The following TMEM135 variants were observed in gnomAD, a reference collection of about 807,000 sequenced individuals.
The protein encoded by TMEM135 is transmembrane protein 135, also known as peroxisomal membrane protein 52.
A neutral mutation model predicts 60.3 loss-of-function variants in TMEM135; 30 were observed. The ratio of observed to expected loss-of-function variants is 0.50; its 90% CI spans 0.37 to 0.68. TMEM135 has a LOEUF of 0.68. TMEM135 is among the 30% of genes least tolerant of loss of function. TMEM135 has a pLI of 0.00. For synonymous variants in TMEM135, 190 were observed against 186.7 expected, an observed-to-expected ratio of 1.02 and a Z score of -0.14; for missense variants, 468 against 548.8, an observed-to-expected ratio of 0.85 and a Z score of 1.47.
At chr11:87,100,449 T>G (rs572090608) in intron 4 of TMEM135, among the ~76,000 whole-genome samples, 9 of 152,340 alleles carry the variant, frequency 5.9e-5, no homozygotes, top group Non-Finnish European at 8.8e-5. Context: ...TAAACTTTTC[T>G]TATGACTTGA....
chr11:87,121,843 T>A (rs1002313297), intron 4 of TMEM135, among the ~76,000 whole-genome samples: 1 of 152,070 alleles, frequency 6.6e-6, no homozygotes, highest in African/African-American at 2.4e-5. Context: ...ATTCACCATG[T>A]TGGCCAGGGT....
chr11:87,273,940 A>G (rs1941919525), intron 6 of TMEM135, among the ~76,000 whole-genome samples: 2 of 152,152 alleles, frequency 1.3e-5, no homozygotes, highest in African/African-American at 4.8e-5. Flanking sequence ...CAGTTGAGTT[A>G]TATGCTAATT....
intron 4 of TMEM135, among the ~76,000 whole-genome samples, chr11:87,109,786 G>A (rs75020921): frequency 0.012 from 1,474 of 126,624 alleles, 25 homozygotes; most frequent in African/African-American, 0.046. Context: ...AAGTAAATCA[G>A]CTTTTGCTAA....
At chr11:87,192,106 C>T (rs145554633) in intron 5 of TMEM135, among the ~76,000 whole-genome samples, 5,030 of 149,976 alleles carry the variant, frequency 0.034, 253 homozygotes, top group African/African-American at 0.1. Flanking sequence ...CTCAGCCTCC[C>T]GAGTAGCTGG....
intron 5 of TMEM135, among the ~76,000 whole-genome samples, chr11:87,177,445 A>G (rs534383472): frequency 2.0e-5 from 3 of 152,174 alleles, no homozygotes; most frequent in Non-Finnish European, 4.4e-5. Context: ...AATGCCTTCT[A>G]TAATCTTGGA....
intron 4 of TMEM135, among the ~76,000 whole-genome samples, chr11:87,120,541 G>T (rs145329052): frequency 7.3e-6 from 1 of 137,174 alleles, no homozygotes; most frequent in Non-Finnish European, 1.5e-5. Context: ...GTATGATCTC[G>T]GCTCACTGCA....
intron 5 of TMEM135, among the ~76,000 whole-genome samples, chr11:87,191,835 A>G (rs999191351): frequency 7.2e-5 from 11 of 151,960 alleles, no homozygotes; most frequent in Admixed American, 4.6e-4. Context: ...CTTATTATCT[A>G]TGTTTTTGGA....
chr11:87,135,493 C>CTTTTTTTTTTTTTTTTTTTTTTTTT (rs376201118), intron 4 of TMEM135, among the ~76,000 whole-genome samples: 1 of 142,012 alleles, frequency 7.0e-6, no homozygotes, highest in Non-Finnish European at 1.5e-5. Flanking sequence ...AAGAGTTCAT[C>CTTTTTTTTTTTTTTTTTTTTTTTTT]TTTTTTTTTT....
At chr11:87,264,933 A>C (rs1176273820) in intron 6 of TMEM135, among the ~76,000 whole-genome samples, 1 of 151,914 alleles carries the variant, frequency 6.6e-6, no homozygotes, top group African/African-American at 2.4e-5. Context: ...GATGGGTCTG[A>C]AATTAGTTGT....
chr11:87,231,954 CTT>C (rs756771540), intron 5 of TMEM135, among the ~76,000 whole-genome samples: 17 of 141,982 alleles, frequency 1.2e-4, no homozygotes, highest in Admixed American at 3.5e-4. Context: ...AGAAAAGAGA[CTT>C]TTTTTTTTTT....
chr11:87,063,731 C>T (rs1949970938), intron 1 of TMEM135, among the ~76,000 whole-genome samples: 1 of 152,178 alleles, frequency 6.6e-6, no homozygotes, highest in African/African-American at 2.4e-5. Context: ...CTCTGGGTTA[C>T]AGCACAGTGA....
Position 87,236,622 on chromosome 11 carries a change from T to C in TMEM135, c.463-16T>C. ...CAGTGTTCTTTTGCAAGTAATATAT[T>C]TTCTCTTTGTTACAGGTCCTTTTGT... On this transcript the variant is annotated splice_polypyrimidine_tract_variant and intron_variant, in intron 5 of 14. Transcript: ENST00000305494. 5 of 1,611,276 alleles carry C rather than the reference T, an allele frequency of 3.1e-6. No homozygotes were observed. The highest frequency in any genetic ancestry group is 4.2e-6 in the Non-Finnish European group (5 of 1,178,174).
intron 5 of TMEM135, among the ~76,000 whole-genome samples, chr11:87,194,902 G>A (rs1939899237): frequency 6.6e-6 from 1 of 152,080 alleles, no homozygotes; most frequent in Non-Finnish European, 1.5e-5. Flanking sequence ...CTCATAAATG[G>A]ATGAATTATA....
intron 12 of TMEM135, among the ~76,000 whole-genome samples, chr11:87,315,343 A>G (rs562454378): frequency 6.6e-6 from 1 of 151,938 alleles, no homozygotes; most frequent in African/African-American, 2.4e-5. Flanking sequence ...TTGAGACCTA[A>G]GCAAATTCAG....
At chr11:87,155,760 G>A (rs543687) in intron 4 of TMEM135, among the ~76,000 whole-genome samples, 55,883 of 151,932 alleles carry the variant, frequency 0.37, 10,813 homozygotes, top group East Asian at 0.67. Context: ...TTCTCATGCT[G>A]ATTTGGTTCC....
intron 5 of TMEM135, among the ~76,000 whole-genome samples, chr11:87,196,684 T>C (rs781402454): frequency 6.6e-6 from 1 of 152,170 alleles, no homozygotes; most frequent in Non-Finnish European, 1.5e-5. Context: ...AATATACTTA[T>C]GTACATTCTA....
rs1184497576 is a variant in TMEM135 at position 87,160,762 on chromosome 11, A to G, written c.462+3356A>G. ...AATATATGGCTTAAAATGAATAGGA[A>G]AAAAATACCCTTCACAAATCTATTA... is the stretch of plus-strand genomic sequence containing the variant. On this transcript the variant is annotated intron_variant, in intron 5 of 14. Coordinates refer to ENST00000305494, the MANE Select transcript of TMEM135 (RefSeq NM_022918.4). 4.6e-5 allele frequency among the ~76,000 whole-genome samples: 7 copies of G among 152,202 alleles called. 1 individual carries two copies. Among genetic ancestry groups the G allele is most frequent in the Admixed American group, 4.6e-4 (7 of 15,270 alleles).
At position 87,165,600 on chromosome 11, in the gene TMEM135, G is replaced by C. The variant is rs560618084; in HGVS notation, c.462+8194G>C. 5.6e-4 allele frequency among the ~76,000 whole-genome samples: 84 copies of C among 150,416 alleles called. 1 individual carries two copies. Among genetic ancestry groups the C allele is most frequent in the African/African-American group, 1.8e-3 (73 of 40,462 alleles). On this transcript the variant is annotated intron_variant, in intron 5 of 14. Coordinates refer to ENST00000305494, the MANE Select transcript of TMEM135 (RefSeq NM_022918.4). Reference sequence around the variant, plus strand: ...CCCTCTTTTTCTATTGATTGGAATAGTTTCAGAAGGAATGGTACCAGTTCC... The same window carrying C: ...CCCTCTTTTTCTATTGATTGGAATACTTTCAGAAGGAATGGTACCAGTTCC...
chr11:87,118,180 G>T (rs1032535597), intron 4 of TMEM135, among the ~76,000 whole-genome samples: 1 of 152,098 alleles, frequency 6.6e-6, no homozygotes, highest in African/African-American at 2.4e-5. Flanking sequence ...TATGGAACAT[G>T]GGCAGAGTAG....
Sources: gnomAD v4.1 joint callset for allele counts (sites outside exome capture counted in the v4.1 genomes callset) on GRCh38, gnomAD v4.1.1 for gene constraint, MANE v1.5 for transcripts, NCBI Gene and HGNC (gene_info 2026-07-23, HGNC 2026-07-21) for gene names.